Variants in OCIAD1 observed in about 807,000 individuals in gnomAD.
OCIAD1 encodes the protein OCIA domain-containing protein 1.
A neutral mutation model predicts 38.9 loss-of-function variants in OCIAD1; 29 were observed. The ratio of observed to expected loss-of-function variants is 0.74; its 90% confidence interval spans 0.55 to 1.02. OCIAD1 has a LOEUF of 1.02. Ranked by LOEUF, OCIAD1 falls within the 50% of genes least tolerant of loss-of-function variation. The pLI is 0.00. For missense variants in OCIAD1, 288 were observed against 289.6 expected, an observed-to-expected ratio of 0.99 and a Z score of 0.04; for synonymous variants, 110 against 92.0, an observed-to-expected ratio of 1.20 and a Z score of -1.12.
At chr4:48,821,072 T>C (rs1372630501) in intron 1 of OCIAD1, among the ~76,000 whole-genome samples, 2 of 152,128 alleles carry the variant, frequency 1.3e-5, no homozygotes, top group South Asian at 2.1e-4. Flanking sequence ...CATCCTGATA[T>C]GAAAACCTGG....
intron 1 of OCIAD1, among the ~76,000 whole-genome samples, chr4:48,824,206 C>A (rs1777225934): frequency 6.6e-6 from 1 of 152,006 alleles, no homozygotes; most frequent in Non-Finnish European, 1.5e-5. Flanking sequence ...GTCTCAAACT[C>A]CTAAGCTCAA....
At chr4:48,836,004 G>A (rs1467896090) in intron 3 of OCIAD1, among the ~76,000 whole-genome samples, 3 of 152,144 alleles carry the variant, frequency 2.0e-5, no homozygotes, top group Admixed American at 6.6e-5. Context: ...AGGATAGAAC[G>A]TAAAACATAG....
At chr4:48,836,282 G>T (rs928410125) in intron 3 of OCIAD1, among the ~76,000 whole-genome samples, 2 of 152,110 alleles carry the variant, frequency 1.3e-5, no homozygotes, top group African/African-American at 4.8e-5. Context: ...ACAAATAAAA[G>T]GATTTTTTAA....
chr4:48,817,691 C>T (rs923947067), intron 1 of OCIAD1, among the ~76,000 whole-genome samples: 7 of 152,232 alleles, frequency 4.6e-5, no homozygotes, highest in African/African-American at 1.4e-4. Context: ...GAAATTCTTG[C>T]TGCCAGCACA....
chr4:48,848,930 T>A (rs1305543270), intron 5 of OCIAD1, among the ~76,000 whole-genome samples: 1 of 151,584 alleles, frequency 6.6e-6, no homozygotes, highest in South Asian at 2.1e-4. Context: ...ATTAAGAAAA[T>A]GTGGCACATA....
At chr4:48,833,284 T>G in intron 2 of OCIAD1, 117 bp from the exon 3 acceptor site, 1 of 648,460 alleles carries the variant, frequency 1.5e-6, no homozygotes. Flanking sequence ...AGCCAGTTGT[T>G]TTATTATTTG....
chr4:48,851,261 G>T (rs1010104235), intron 6 of OCIAD1, among the ~76,000 whole-genome samples: 1 of 152,202 alleles, frequency 6.6e-6, no homozygotes, highest in African/African-American at 2.4e-5. Context: ...GAAAGGCTGG[G>T]TATACATTTC....
intron 1 of OCIAD1, among the ~76,000 whole-genome samples, chr4:48,806,607 CT>C (rs201578393): frequency 4.6e-5 from 7 of 151,578 alleles, no homozygotes; most frequent in Admixed American, 2.6e-4. Context: ...TTTAAATTAA[CT>C]TTTTTTTTCT....
chr4:48,822,755 A>G (rs971120686), intron 1 of OCIAD1, among the ~76,000 whole-genome samples: 9 of 152,242 alleles, frequency 5.9e-5, no homozygotes, highest in Non-Finnish European at 1.3e-4. Flanking sequence ...TTCTCAAAAG[A>G]AGACATTTAT....
At chr4:48,855,165 T>C (rs1179534329) in intron 7 of OCIAD1, among the ~76,000 whole-genome samples, 1 of 152,182 alleles carries the variant, frequency 6.6e-6, no homozygotes, top group African/African-American at 2.4e-5. Context: ...ACTACCATAT[T>C]TCGCAATTGA....
intron 1 of OCIAD1, among the ~76,000 whole-genome samples, chr4:48,825,407 T>G (rs1229357781): frequency 2.6e-5 from 4 of 152,224 alleles, no homozygotes; most frequent in African/African-American, 9.6e-5. Flanking sequence ...CATGAATATC[T>G]TCAGCAGCCC....
intron 8 of OCIAD1, among the ~76,000 whole-genome samples, chr4:48,858,949 A>G (rs1438800477): frequency 2.6e-5 from 4 of 152,204 alleles, no homozygotes; most frequent in Non-Finnish European, 1.5e-5. Flanking sequence ...ATTTCAGTAT[A>G]GGGTTTTATG....
chr4:48,841,986 T>A (rs1778575615), intron 3 of OCIAD1, among the ~76,000 whole-genome samples: 1 of 152,182 alleles, frequency 6.6e-6, no homozygotes. Flanking sequence ...CAAATATGTT[T>A]TGTATTTTGG....
upstream of OCIAD1, among the ~76,000 whole-genome samples, chr4:48,828,989 A>G (rs184238661): frequency 1.2e-3 from 187 of 152,312 alleles, 1 homozygote; most frequent in African/African-American, 4.3e-3. Context: ...AAGTTGGTGC[A>G]GTGGCTCATG....
chr4:48,829,584 G>A (rs1317386950), upstream of OCIAD1, among the ~76,000 whole-genome samples: 1 of 152,164 alleles, frequency 6.6e-6, no homozygotes, highest in Non-Finnish European at 1.5e-5. Flanking sequence ...GAGAGTGACT[G>A]GGGTGCCATG....
At chr4:48,809,665 C>G (rs926624578) in intron 1 of OCIAD1, among the ~76,000 whole-genome samples, 2 of 152,172 alleles carry the variant, frequency 1.3e-5, no homozygotes, top group Non-Finnish European at 2.9e-5. Flanking sequence ...TATTCTCTAG[C>G]TATTACTAAT....
chr4:48,837,591 A>G (rs1388219274), intron 3 of OCIAD1, among the ~76,000 whole-genome samples: 7 of 151,470 alleles, frequency 4.6e-5, no homozygotes, highest in Admixed American at 4.6e-4. Context: ...GTGCCTGGCC[A>G]GAATGGGAAG....
intron 4 of OCIAD1, among the ~76,000 whole-genome samples, chr4:48,847,543 T>C (rs2109573815): frequency 6.6e-6 from 1 of 152,342 alleles, no homozygotes; most frequent in South Asian, 2.1e-4. Flanking sequence ...AAAAAAATCT[T>C]TCATATTTAA....
At position 48,814,639 on chromosome 4, in the gene OCIAD1, T is replaced by A. The variant is rs572148415; in HGVS notation, c.-103+9309T>A. The stretch of plus-strand genomic sequence containing the variant: ...AAGTTAGACAAATTATTTGCAATAG[T>A]TTACCGGGAATGGTTCTAAATTAAC... On this transcript the variant is annotated intron_variant, in intron 1 of 6. Coordinates refer to the OCIAD1 transcript ENST00000504654. Among the ~76,000 whole-genome samples, 33 of 152,288 alleles carry A rather than the reference T, an allele frequency of 2.2e-4. No homozygotes were observed. The East Asian group carries it at 5.6e-3, about 26-fold the overall frequency.
Sources: allele counts gnomAD v4.1 joint callset (sites outside exome capture counted in the v4.1 genomes callset), GRCh38; gene constraint gnomAD v4.1.1; transcripts MANE v1.5; gene names NCBI Gene and HGNC (gene_info 2026-07-23, HGNC 2026-07-21).